The following MGAT5 variants were observed in gnomAD, a reference collection of about 807,000 sequenced individuals.
MGAT5 encodes the protein alpha-1,6-mannosylglycoprotein 6-beta-N-acetylglucosaminyltransferase A.
MGAT5 carries 30 observed loss-of-function variants against 94.3 expected under a neutral mutation model. The ratio of observed to expected loss-of-function variants is 0.32; its 90% CI spans 0.24 to 0.43. The LOEUF is 0.43. MGAT5 is among the 20% of genes least tolerant of loss of function. The pLI is 1.00. For missense variants in MGAT5, 691 were observed against 905.5 expected, an observed-to-expected ratio of 0.76 and a Z score of 3.04; for synonymous variants, 310 against 322.9, an observed-to-expected ratio of 0.96 and a Z score of 0.43.
intron 1 of MGAT5, among the ~76,000 whole-genome samples, chr2:134,124,872 AC>A (rs1302413326): frequency 6.6e-6 from 1 of 152,192 alleles, no homozygotes; most frequent in Non-Finnish European, 1.5e-5. Flanking sequence ...AACATGTGCC[AC>A]CCACCCACTC....
At chr2:134,205,908 A>G (rs902168146) in intron 1 of MGAT5, among the ~76,000 whole-genome samples, 13 of 152,206 alleles carry the variant, frequency 8.5e-5, no homozygotes. Context: ...CAGAGATGTT[A>G]GAAAACCAGC....
Position 134,378,464 on chromosome 2 carries a change from G to T in MGAT5, c.1380+16056G>T, listed in dbSNP as rs530161237. Among the ~76,000 whole-genome samples the T allele has an allele frequency of 1.6e-4, 25 of 152,240 alleles. No homozygotes were observed. The South Asian group carries it at 5.2e-3, about 32-fold the overall frequency. The stretch of plus-strand genomic sequence containing the variant: ...AGAGGCAGAATACAGTTAAGAGCAT[G>T]GGCTTTAGAGACAGACCGGAATTTG... On this transcript the variant is annotated intron_variant, in intron 10 of 15. Coordinates refer to ENST00000281923, the MANE Select transcript of MGAT5 (RefSeq NM_002410.5).
At chr2:134,143,045 C>T (rs1331396063) in intron 1 of MGAT5, among the ~76,000 whole-genome samples, 2 of 152,046 alleles carry the variant, frequency 1.3e-5, no homozygotes, top group Non-Finnish European at 2.9e-5. Context: ...AGGCCCTCCT[C>T]AAGGAGGCTG....
At chr2:134,215,083 G>A (rs1468076598) in intron 1 of MGAT5, among the ~76,000 whole-genome samples, 2 of 152,182 alleles carry the variant, frequency 1.3e-5, no homozygotes, top group Non-Finnish European at 2.9e-5. Context: ...TGAAATTCAT[G>A]TATATTGTTG....
chr2:134,402,998 T>G lies in MGAT5; in HGVS notation c.1391T>G (p.Ile464Ser), dbSNP rs370627277. ...KVDSFWKNKK[I>S]YLDIIHTYME... is the part of the protein sequence containing the mutation. ...TGTTTTCTTCTTTAGAATAAGAAGA[T>G]CTACTTGGACATTATTCACACATAC... Residue 464 changes from isoleucine to serine, a missense_variant, in exon 11 of 16, where the codon ATC becomes AGC. Around this residue, in one of 4 missense-constraint regions of MGAT5, gnomAD observed 260 missense variants for 347.0 expected, o/e 0.75. Coordinates refer to ENST00000281923, the MANE Select transcript of MGAT5 (RefSeq NM_002410.5). 9.4e-6 allele frequency: 15 copies of G among 1,589,898 alleles called. No individual in the cohort carries two copies. Among genetic ancestry groups the G allele is most frequent in the Admixed American group, 1.9e-5 (1 of 52,096 alleles).
At chr2:134,170,241 A>C (rs1688142001) in intron 1 of MGAT5, among the ~76,000 whole-genome samples, 2 of 152,240 alleles carry the variant, frequency 1.3e-5, no homozygotes, top group Non-Finnish European at 2.9e-5. Flanking sequence ...CACTTACTAG[A>C]GTTACAGCTT....
At chr2:134,222,357 C>T (rs1023926027) in intron 1 of MGAT5, among the ~76,000 whole-genome samples, 28 of 151,674 alleles carry the variant, frequency 1.8e-4, no homozygotes, top group African/African-American at 6.3e-4. Flanking sequence ...AAAAAAAAAC[C>T]CCTGCGTGCA....
intron 2 of MGAT5, among the ~76,000 whole-genome samples, chr2:134,294,850 C>A (rs1048574531): frequency 2.0e-5 from 3 of 152,196 alleles, no homozygotes; most frequent in Non-Finnish European, 4.4e-5. Flanking sequence ...CTTCCTCTTT[C>A]CTTTGTTCTC....
chr2:134,364,452 A>G (rs1680295230), intron 10 of MGAT5, among the ~76,000 whole-genome samples: 1 of 152,086 alleles, frequency 6.6e-6, no homozygotes, highest in African/African-American at 2.4e-5. Flanking sequence ...GTGAGCTGAG[A>G]CCATGCCATT....
At chr2:134,189,607 T>TGTTTTTTTTTTTTTTTTTTTG (rs1553490422) in intron 1 of MGAT5, among the ~76,000 whole-genome samples, 1 of 80,618 alleles carries the variant, frequency 1.2e-5, no homozygotes, top group Non-Finnish European at 2.3e-5. Flanking sequence ...TTTTTGTTTT[T>TGTTTTTTTTTTTTTTTTTTTG]TTTTTTTTTT....
chr2:134,303,358 A>G (rs900114149), intron 2 of MGAT5, among the ~76,000 whole-genome samples: 14 of 152,142 alleles, frequency 9.2e-5, no homozygotes, highest in Non-Finnish European at 1.2e-4. Flanking sequence ...TATGTATTGG[A>G]CATGACAAGG....
At position 134,134,183 on chromosome 2, in the gene MGAT5, G is replaced by A. The variant is rs79024084; in HGVS notation, c.-143+13892G>A. On this transcript the variant is annotated intron_variant, in intron 1 of 16. Transcript: ENST00000409645. Reference sequence around the variant, plus strand: ...GCATGCAATTCTTATCAACCCTGTGGGGATGGTTTCACTCCTAAGCGTTTT... The same window carrying A: ...GCATGCAATTCTTATCAACCCTGTGAGGATGGTTTCACTCCTAAGCGTTTT... Among the ~76,000 whole-genome samples, 1,220 of 152,170 alleles carry A rather than the reference G, an allele frequency of 8.0e-3. 22 individuals are homozygous for A. The highest frequency in any genetic ancestry group is 0.028 in the African/African-American group (1,154 of 41,502).
chr2:134,180,653 C>G (rs1359906073), intron 1 of MGAT5, among the ~76,000 whole-genome samples: 2 of 152,162 alleles, frequency 1.3e-5, no homozygotes, highest in Admixed American at 6.5e-5. Flanking sequence ...TCTGTGAGGA[C>G]CGCACTCCTG....
At chr2:134,308,414 C>T (rs1442108672) in intron 2 of MGAT5, among the ~76,000 whole-genome samples, 1 of 152,188 alleles carries the variant, frequency 6.6e-6, no homozygotes, top group East Asian at 1.9e-4. Flanking sequence ...TCTGCACTGA[C>T]ATTCAGGGCT....
At chr2:134,332,896 T>C (rs1301758364) in intron 4 of MGAT5, among the ~76,000 whole-genome samples, 5,045 of 151,360 alleles carry the variant, frequency 0.033, 258 homozygotes, top group African/African-American at 0.11. Flanking sequence ...TACCATCTCC[T>C]ACCAGTTAGA....
In MGAT5 at chr2:134,136,938, C is replaced by A. The variant is rs1336989518; in HGVS notation, c.-143+16647C>A. On this transcript the variant is annotated intron_variant, in intron 1 of 16. Transcript: ENST00000409645. ...TTCTTGGCTCACTGGTTTATCATATCCAGGGAGGCAAGTTTGTCAGAACGT... is the reference window on the plus strand; with the variant it reads ...TTCTTGGCTCACTGGTTTATCATATACAGGGAGGCAAGTTTGTCAGAACGT... 3.3e-5 allele frequency among the ~76,000 whole-genome samples: 5 copies of A among 152,286 alleles called. No individual in the cohort carries two copies. The East Asian group carries it at 7.7e-4, about 24-fold the overall frequency.
intron 10 of MGAT5, among the ~76,000 whole-genome samples, chr2:134,384,280 T>C (rs190680813): frequency 2.4e-4 from 37 of 151,758 alleles, no homozygotes; most frequent in Admixed American, 2.4e-3. Flanking sequence ...CTAGGCTTTT[T>C]CTCTCTCTCT....
intron 10 of MGAT5, among the ~76,000 whole-genome samples, chr2:134,367,614 G>T (rs1306176562): frequency 1.3e-5 from 2 of 152,182 alleles, no homozygotes; most frequent in Admixed American, 6.5e-5. Flanking sequence ...AAGTAAACCA[G>T]CTCTCTCTCA....
At chr2:134,336,746 C>T (rs1381700302) in intron 5 of MGAT5, among the ~76,000 whole-genome samples, 2 of 151,958 alleles carry the variant, frequency 1.3e-5, no homozygotes, top group South Asian at 2.1e-4. Context: ...GGGTATCTCT[C>T]GTGTGGGAAA....
Sources: allele counts gnomAD v4.1 joint callset (sites outside exome capture counted in the v4.1 genomes callset), GRCh38; gene constraint gnomAD v4.1.1; regional missense constraint gnomAD v4.1.1; transcripts MANE v1.5; gene names NCBI Gene and HGNC (gene_info 2026-07-23, HGNC 2026-07-21).